The following TTC29 variants were observed in gnomAD, a reference collection of about 807,000 sequenced individuals.
TTC29 encodes tetratricopeptide repeat protein 29.
A neutral mutation model predicts 58.1 loss-of-function variants in TTC29; 49 were observed. That is an observed-to-expected ratio of 0.84 (90% CI 0.67 to 1.07). TTC29 has a LOEUF of 1.07. Ranked by LOEUF, TTC29 falls within the 50% of genes least tolerant of loss-of-function variation. TTC29 has a pLI of 0.00. For synonymous variants in TTC29, 209 were observed against 196.8 expected (o/e 1.06, Z -0.52); for missense variants, 582 against 555.6 (o/e 1.05, Z -0.48).
intron 11 of TTC29, among the ~76,000 whole-genome samples, chr4:146,747,505 T>C (rs1745635672): frequency 1.3e-5 from 2 of 152,152 alleles, no homozygotes; most frequent in Admixed American, 1.3e-4. Context: ...TAGGGTAAAG[T>C]TGCCCCACCC....
At chr4:146,893,925 A>T (rs1410617561) in intron 6 of TTC29, among the ~76,000 whole-genome samples, 1 of 152,238 alleles carries the variant, frequency 6.6e-6, no homozygotes. Context: ...AGACACATGA[A>T]AAAATACTCA....
At chr4:146,731,273 G>A (rs755415876) in intron 11 of TTC29, among the ~76,000 whole-genome samples, 13 of 152,080 alleles carry the variant, frequency 8.5e-5, no homozygotes, top group Non-Finnish European at 1.5e-4. Context: ...CAAATATAGG[G>A]AGGAGGTATT....
intron 10 of TTC29, among the ~76,000 whole-genome samples, chr4:146,817,615 G>A (rs1399029721): frequency 3.3e-5 from 5 of 152,200 alleles, no homozygotes; most frequent in South Asian, 2.1e-4. Context: ...AACAGAGCCC[G>A]CATCACCAAG....
At chr4:146,797,552 A>G in intron 11 of TTC29, among the ~76,000 whole-genome samples, 1 of 151,520 alleles carries the variant, frequency 6.6e-6, no homozygotes, top group Non-Finnish European at 1.5e-5. Context: ...TTTTTATTTC[A>G]GTACTTTAAA....
chr4:146,914,906 T>G (rs893781426), intron 4 of TTC29, among the ~76,000 whole-genome samples: 3 of 152,068 alleles, frequency 2.0e-5, no homozygotes, highest in Non-Finnish European at 2.9e-5. Context: ...TATATAGAGA[T>G]GCTGGGAAAT....
intron 11 of TTC29, among the ~76,000 whole-genome samples, chr4:146,771,431 G>A (rs1425880751): frequency 6.6e-6 from 1 of 151,822 alleles, no homozygotes. Flanking sequence ...CCTCCAGTAG[G>A]CCGAGTGTCT....
chr4:146,840,292 C>T (rs1401633158), intron 8 of TTC29, among the ~76,000 whole-genome samples: 2 of 151,846 alleles, frequency 1.3e-5, no homozygotes, highest in Non-Finnish European at 2.9e-5. Context: ...TGTGCAGCAG[C>T]AGATGTGATC....
intron 11 of TTC29, among the ~76,000 whole-genome samples, chr4:146,731,377 T>C (rs1014192029): frequency 6.6e-6 from 1 of 152,018 alleles, no homozygotes; most frequent in Admixed American, 6.6e-5. Flanking sequence ...GGAATTAGCA[T>C]TAAGGGCCCA....
At chr4:146,735,521 T>G (rs1011564066) in intron 11 of TTC29, among the ~76,000 whole-genome samples, 3 of 152,190 alleles carry the variant, frequency 2.0e-5, no homozygotes, top group African/African-American at 2.4e-5. Flanking sequence ...CTTGAGGGAA[T>G]AGCCAGCCTG....
chr4:146,793,797 G>T (rs546974989), intron 11 of TTC29, among the ~76,000 whole-genome samples: 1 of 152,158 alleles, frequency 6.6e-6, no homozygotes, highest in African/African-American at 2.4e-5. Flanking sequence ...TTTTAAAAAA[G>T]AAAAATTCCT....
chr4:146,916,753 T>C (rs1487279722), intron 4 of TTC29, among the ~76,000 whole-genome samples: 2 of 151,486 alleles, frequency 1.3e-5, no homozygotes, highest in African/African-American at 2.4e-5. Context: ...ATTATTTTAA[T>C]TGATATGCAA....
intron 6 of TTC29, among the ~76,000 whole-genome samples, chr4:146,878,975 AC>A (rs2150229703): frequency 6.6e-6 from 1 of 152,124 alleles, no homozygotes; most frequent in South Asian, 2.1e-4. Flanking sequence ...CCCTTGCTTC[AC>A]CATTTTCCCA....
At chr4:146,859,350 G>T (rs1730077093) in intron 8 of TTC29, among the ~76,000 whole-genome samples, 1 of 151,834 alleles carries the variant, frequency 6.6e-6, no homozygotes, top group Non-Finnish European at 1.5e-5. Context: ...TGGTTTCTTT[G>T]TTCTCATTTC....
chr4:146,731,684 C>A (rs1744347175), intron 11 of TTC29, among the ~76,000 whole-genome samples: 1 of 152,070 alleles, frequency 6.6e-6, no homozygotes, highest in East Asian at 1.9e-4. Context: ...GATAAGTTGA[C>A]AAATTGGGAA....
chr4:146,730,856 T>C (rs936898470), intron 11 of TTC29, among the ~76,000 whole-genome samples: 1 of 152,118 alleles, frequency 6.6e-6, no homozygotes, highest in Non-Finnish European at 1.5e-5. Flanking sequence ...AGGGAGGAAT[T>C]AGACAAACAA....
intron 11 of TTC29, among the ~76,000 whole-genome samples, chr4:146,771,895 C>T (rs1283601093): frequency 6.6e-6 from 1 of 152,122 alleles, no homozygotes; most frequent in East Asian, 1.9e-4. Context: ...CCCTTTTCTC[C>T]ACAACCTTAC....
At chr4:146,864,362 A>G (rs113895118) in intron 8 of TTC29, among the ~76,000 whole-genome samples, 125 of 152,200 alleles carry the variant, frequency 8.2e-4, no homozygotes, top group African/African-American at 3.0e-3. Context: ...AATTCCTTCC[A>G]TCTTCACTAT....
chr4:146,917,617 ATAAT>A (rs1159344245), intron 4 of TTC29, among the ~76,000 whole-genome samples: 4 of 143,148 alleles, frequency 2.8e-5, no homozygotes, highest in African/African-American at 5.0e-5. Flanking sequence ...TTTATAATAT[ATAAT>A]TAGATATTAT....
chr4:146,786,943 A>G (rs1403916940), intron 11 of TTC29, among the ~76,000 whole-genome samples: 1 of 151,284 alleles, frequency 6.6e-6, no homozygotes, highest in Admixed American at 6.6e-5. Flanking sequence ...TAAAAACCCC[A>G]CCTCTACCAA....
Sources: allele counts gnomAD v4.1 joint callset (sites outside exome capture counted in the v4.1 genomes callset), GRCh38; gene constraint gnomAD v4.1.1; transcripts MANE v1.5; gene names NCBI Gene and HGNC (gene_info 2026-07-23, HGNC 2026-07-21).